VRK2: variants seen among roughly 807,000 people sequenced by gnomAD.
VRK2 encodes the protein VRK serine/threonine kinase 2, also known as serine/threonine-protein kinase VRK2.
In VRK2, 60 loss-of-function variants were observed where a neutral mutation model predicts 57.6. The ratio of observed to expected loss-of-function variants is 1.04; its 90% CI spans 0.85 to 1.29. The LOEUF (loss-of-function observed/expected upper bound fraction) is 1.29. Among genes scored for constraint, VRK2 ranks in the 50% most tolerant of loss-of-function variants. VRK2 has a pLI of 0.00. For missense variants in VRK2, 705 were observed against 588.1 expected (o/e 1.20, Z -2.06); for synonymous variants, 231 against 199.2 (o/e 1.16, Z -1.35).
chr2:57,961,525 A>G (rs1217334286), intron 1 of VRK2, among the ~76,000 whole-genome samples: 6 of 152,200 alleles, frequency 3.9e-5, no homozygotes, highest in African/African-American at 1.4e-4. Context: ...CACAAGACTA[A>G]CTGCATGCTA....
chr2:57,923,387 A>G (rs144953511), intron 1 of VRK2, among the ~76,000 whole-genome samples: 2 of 152,140 alleles, frequency 1.3e-5, no homozygotes, highest in East Asian at 3.9e-4. Flanking sequence ...CCTCACCAGT[A>G]TTTGTTATTT....
Position 58,131,850 on chromosome 2 carries a change from T to C in VRK2, c.719T>C (p.Met240Thr). 6.2e-7 allele frequency: 1 copy of C among 1,614,094 alleles called. No individual in the cohort carries two copies. Among genetic ancestry groups the C allele is most frequent in the Non-Finnish European group, 8.5e-7 (1 of 1,179,970 alleles). ...RSDVEILGYC[M>T]LRWLCGKLPW... is the part of the protein sequence containing the mutation. ...GACGTTGAGATCCTCGGCTACTGCA[T>C]GCTGCGGTGGTTGTGTGGGAAACTT... The change falls in exon 9 of 13, where the codon ATG becomes ACG. Residue 240 changes from methionine to threonine, a missense_variant. Met to Thr is a moderately conservative substitution (Grantham distance 81). Coordinates refer to ENST00000340157, the MANE Select transcript of VRK2 (RefSeq NM_006296.7).
Position 58,123,150 on chromosome 2 carries a change from A to G in VRK2, c.593A>G (p.Asn198Ser), listed in dbSNP as rs142690362. The G allele has an allele frequency of 1.4e-5, 22 of 1,596,468 alleles. No homozygotes were observed. The East Asian group carries it at 2.7e-4, about 20-fold the overall frequency. The change falls in exon 8 of 13, where the codon AAC (asparagine) becomes AGC (serine). Residue 198 changes from asparagine to serine, a missense_variant. By Grantham distance (46) the Asn-to-Ser change is conservative. Transcript: ENST00000340157. ...TCCTACAGATATTGTCCCAATGGGAACCACAAACAGTATCAGGAAAATCCT... is the reference window on the plus strand; with the variant it reads ...TCCTACAGATATTGTCCCAATGGGAGCCACAAACAGTATCAGGAAAATCCT... The part of the protein sequence containing the change: ...GLSYRYCPNG[N>S]HKQYQENPRK...
At chr2:57,919,502 T>C (rs923718246) in intron 1 of VRK2, among the ~76,000 whole-genome samples, 18 of 152,068 alleles carry the variant, frequency 1.2e-4, no homozygotes, top group South Asian at 2.1e-4. Flanking sequence ...TTTAAGAGTA[T>C]ACCCTTATTT....
intron 7 of VRK2, among the ~76,000 whole-genome samples, chr2:58,100,464 G>A (rs1673789455): frequency 6.6e-6 from 1 of 151,806 alleles, no homozygotes; most frequent in Non-Finnish European, 1.5e-5. Flanking sequence ...CCTTTAAAGT[G>A]GATAGGGTTT....
rs539641606 is a variant in VRK2 at position 58,020,275 on chromosome 2, G to A, written c.-438-5390G>A. 6.6e-5 allele frequency among the ~76,000 whole-genome samples: 10 copies of A among 152,326 alleles called. No homozygotes were observed. In the South Asian group the frequency reaches 2.1e-3, roughly 32 times the overall value. ...GTCCCGGCCTGGAGGGCAGTGGTGTGATAACAGCTCACTGCAGCCTCTTGG... is the reference window on the plus strand; with the variant it reads ...GTCCCGGCCTGGAGGGCAGTGGTGTAATAACAGCTCACTGCAGCCTCTTGG... On this transcript the variant is annotated intron_variant, in intron 1 of 15. Coordinates refer to the VRK2 transcript ENST00000417641.
At chr2:57,936,604 G>T (rs1356543) in intron 1 of VRK2, among the ~76,000 whole-genome samples, 1 of 149,812 alleles carries the variant, frequency 6.7e-6, no homozygotes, top group Non-Finnish European at 1.5e-5. Context: ...AGGGATCTCA[G>T]CTCACTGCAA....
intron 1 of VRK2, among the ~76,000 whole-genome samples, chr2:57,973,703 A>G (rs777211039): frequency 6.6e-6 from 1 of 151,844 alleles, no homozygotes; most frequent in African/African-American, 2.4e-5. Context: ...AATTGCAAAG[A>G]AGCACATCAT....
rs529638641 is a variant in VRK2, at chr2:58,120,578, T to C, written c.544-2523T>C. 4.6e-5 allele frequency among the ~76,000 whole-genome samples: 7 copies of C among 152,288 alleles called. No homozygotes were observed. The South Asian group carries it at 1.5e-3, about 32-fold the overall frequency. On this transcript the variant is annotated intron_variant, in intron 7 of 12. Transcript: ENST00000340157. ...CACAACCCAGAGGCCTGTAGCTTAG[T>C]GATGACAAAGACAGCCTTAATATTC...
downstream of VRK2, chr2:58,159,912 C>A: frequency 6.5e-7 from 1 of 1,544,074 alleles, no homozygotes; most frequent in Middle Eastern, 2.4e-4. Context: ...TTGGAAAACA[C>A]TTCTGAAGTT....
intron 7 of VRK2, among the ~76,000 whole-genome samples, chr2:58,114,988 G>A (rs921377608): frequency 2.0e-5 from 3 of 152,184 alleles, no homozygotes; most frequent in Non-Finnish European, 4.4e-5. Context: ...GGGAAGGGAG[G>A]GGGCCTGAAT....
chr2:58,000,837 T>C (rs1299409055), intron 1 of VRK2, among the ~76,000 whole-genome samples: 1 of 152,238 alleles, frequency 6.6e-6, no homozygotes, highest in African/African-American at 2.4e-5. Flanking sequence ...ACAGAATTCA[T>C]TAGATAGTAA....
At chr2:58,075,948 C>T (rs532456183) in intron 2 of VRK2, among the ~76,000 whole-genome samples, 2 of 146,742 alleles carry the variant, frequency 1.4e-5, no homozygotes, top group East Asian at 4.0e-4. Context: ...AACCTCAGTT[C>T]TCTGATGGAT....
intron 1 of VRK2, among the ~76,000 whole-genome samples, chr2:57,950,954 T>C (rs1671408647): frequency 6.6e-6 from 1 of 152,038 alleles, no homozygotes; most frequent in Non-Finnish European, 1.5e-5. Context: ...TAGTCAGGCA[T>C]GGTGGTGTGT....
intron 12 of VRK2, chr2:58,154,801 A>C (rs1359013159): frequency 7.0e-6 from 5 of 717,064 alleles, no homozygotes; most frequent in Non-Finnish European, 1.0e-5. Context: ...ATTTTTTCTA[A>C]TGTAAGTATT....
intron 1 of VRK2, among the ~76,000 whole-genome samples, chr2:58,024,277 T>G (rs1012707766): frequency 6.6e-6 from 1 of 152,192 alleles, no homozygotes. Flanking sequence ...GAATCGGCCT[T>G]AGGTTTCACA....
intron 7 of VRK2, among the ~76,000 whole-genome samples, chr2:58,105,918 A>G (rs1384839970): frequency 6.6e-6 from 1 of 151,902 alleles, no homozygotes; most frequent in African/African-American, 2.4e-5. Context: ...CCTTTTTATA[A>G]TATACCAATG....
chr2:58,046,990 C>CCAGCCCCCGGGCCT (rs1674857220), intron 1 of VRK2, 122 bp downstream of exon 1: 1 of 984,868 alleles, frequency 1.0e-6, no homozygotes, highest in Non-Finnish European at 1.2e-6. Context: ...CCGGGCCGTC[C>CCAGCCCCCGGGCCT]CAGCCCCCGG....
chr2:58,025,264 AT>A (rs34986884), intron 1 of VRK2, among the ~76,000 whole-genome samples: 24,560 of 146,396 alleles, frequency 0.17, 3,097 homozygotes, highest in African/African-American at 0.37. Flanking sequence ...CATTGCTCAT[AT>A]TTTTTTTTTT....
Sources: gnomAD v4.1 joint callset for allele counts (sites outside exome capture counted in the v4.1 genomes callset) on GRCh38, gnomAD v4.1.1 for gene constraint, MANE v1.5 for transcripts, NCBI Gene and HGNC (gene_info 2026-07-23, HGNC 2026-07-21) for gene names.